ISM1: variants seen among roughly 807,000 people sequenced by gnomAD.
The protein encoded by ISM1 is isthmin 1.
In ISM1, 25 loss-of-function variants were observed where a neutral mutation model predicts 46.3. That is an observed-to-expected ratio of 0.54 (90% confidence interval 0.39 to 0.75). The LOEUF is 0.75. Ranked by LOEUF, ISM1 falls within the 30% of genes least tolerant of loss-of-function variation. The pLI is 0.00. For missense variants in ISM1, 536 were observed against 625.4 expected (o/e 0.86, Z 1.52); for synonymous variants, 255 against 256.7 (o/e 0.99, Z 0.06).
the ISM1 span, among the ~76,000 whole-genome samples, chr20:13,320,448 G>A: frequency 6.6e-6 from 1 of 152,128 alleles, no homozygotes; most frequent in Admixed American, 6.5e-5. Flanking sequence ...CAAGAGAACC[G>A]AACTCTGGTT....
chr20:13,275,520 C>G (rs1362810196), intron 2 of ISM1, among the ~76,000 whole-genome samples: 1 of 152,208 alleles, frequency 6.6e-6, no homozygotes, highest in Non-Finnish European at 1.5e-5. Flanking sequence ...TGTTTGGGAT[C>G]AGGCACCACC....
intron 1 of ISM1, among the ~76,000 whole-genome samples, chr20:13,257,556 A>G (rs1425231503): frequency 2.6e-5 from 4 of 152,008 alleles, no homozygotes; most frequent in Admixed American, 6.6e-5. Flanking sequence ...TTTCATTCCT[A>G]ACTTCTCCCC....
chr20:13,224,473 C>T (rs1055204981), intron 1 of ISM1, among the ~76,000 whole-genome samples: 31 of 152,222 alleles, frequency 2.0e-4, no homozygotes, highest in African/African-American at 7.2e-4. Flanking sequence ...TTTTACCAGA[C>T]ATTTTAAACC....
At chr20:13,294,027 G>C (rs1180211577) in intron 5 of ISM1, among the ~76,000 whole-genome samples, 1 of 152,050 alleles carries the variant, frequency 6.6e-6, no homozygotes, top group African/African-American at 2.4e-5. Context: ...TACAGTGTCG[G>C]GGGCAGTAGA....
In ISM1 at chr20:13,270,658, A is replaced by G. The variant is rs752246764; in HGVS notation, c.293A>G (p.Asp98Gly). The G allele has an allele frequency of 6.2e-7, 1 of 1,613,896 alleles. No individual in the cohort carries two copies. The highest frequency in any genetic ancestry group is 8.5e-7 in the Non-Finnish European group (1 of 1,179,856). Residue 98 changes from aspartate (D) to glycine (G), a missense_variant, in exon 2 of 6, where the codon GAT becomes GGT. Physicochemically the swap from Asp to Gly is moderately conservative, Grantham distance 94. Around this residue, in one of 2 missense-constraint regions of ISM1, gnomAD observed 367 missense variants for 376.1 expected, o/e 0.98. Transcript: ENST00000262487. ...ACGGGGCACCCTTCATTGCAAAGAGATTTCCCCAGATCCTTTCTCCTTGAT... is the reference window on the plus strand; with the variant it reads ...ACGGGGCACCCTTCATTGCAAAGAGGTTTCCCCAGATCCTTTCTCCTTGAT... Reference protein sequence around the residue: ...QETGHPSLQRDFPRSFLLDLP... With the variant: ...QETGHPSLQRGFPRSFLLDLP...
At chr20:13,284,448 T>C (rs1258544747) in intron 3 of ISM1, among the ~76,000 whole-genome samples, 1 of 152,230 alleles carries the variant, frequency 6.6e-6, no homozygotes, top group African/African-American at 2.4e-5. Context: ...GAACTGTTTT[T>C]TCCTGCCGTT....
At chr20:13,231,312 C>T (rs2039585343) in intron 1 of ISM1, among the ~76,000 whole-genome samples, 1 of 152,212 alleles carries the variant, frequency 6.6e-6, no homozygotes, top group African/African-American at 2.4e-5. Flanking sequence ...AACCAGGCTA[C>T]CCCATGCCCT....
At chr20:13,227,497 C>G (rs1209738282) in intron 1 of ISM1, among the ~76,000 whole-genome samples, 4 of 147,272 alleles carry the variant, frequency 2.7e-5, no homozygotes, top group African/African-American at 1.0e-4. Context: ...GCCACCATGC[C>G]CAGCCCAACT....
At chr20:13,298,439 T>C (rs1315507061) in intron 5 of ISM1, among the ~76,000 whole-genome samples, 2 of 152,184 alleles carry the variant, frequency 1.3e-5, no homozygotes, top group Non-Finnish European at 2.9e-5. Flanking sequence ...AGAGGGGAGA[T>C]TCAAATAATT....
At chr20:13,315,731 G>C in the ISM1 span, among the ~76,000 whole-genome samples, 1 of 151,776 alleles carries the variant, frequency 6.6e-6, no homozygotes, top group Non-Finnish European at 1.5e-5. Context: ...TATTCACCAG[G>C]ACAGACCACA....
At position 13,221,874 on chromosome 20, in the gene ISM1, C is replaced by G; in HGVS notation, c.98C>G (p.Pro33Arg). The change falls in exon 1 of 6, where the codon CCC becomes CGC. Residue 33 changes from proline to arginine, a missense_variant. By Grantham distance (103) the Pro-to-Arg change is moderately radical (BLOSUM62 -2). This residue lies in a region of ISM1 where 367 missense variants were observed against 376.1 expected (regional missense o/e 0.98). Transcript: ENST00000262487. ...CGCGGCTCGGGAGCCGCCGACGGGC[C>G]CGACGCGGCCGCGGGCAACGCCAGC... Reference protein sequence around the residue: ...VLRGSGAADGPDAAAGNASQA... With the variant: ...VLRGSGAADGRDAAAGNASQA... The G allele has an allele frequency of 7.1e-7, 1 of 1,413,888 alleles. No individual in the cohort carries two copies. The highest frequency in any genetic ancestry group is 9.2e-7 in the Non-Finnish European group (1 of 1,089,768). 87.6% of individuals were successfully genotyped at this position (1,413,888 alleles called of 1,614,324 possible). A position where few individuals can be genotyped will look rare whatever the true frequency, so the allele number is the denominator to read the frequency against.
chr20:13,289,236 A>G (rs972297543), intron 4 of ISM1, among the ~76,000 whole-genome samples: 2 of 152,170 alleles, frequency 1.3e-5, no homozygotes, highest in African/African-American at 4.8e-5. Flanking sequence ...CTCTGGTTAG[A>G]TTGGGTTTTT....
intron 1 of ISM1, among the ~76,000 whole-genome samples, chr20:13,236,809 T>G (rs1454070522): frequency 6.6e-6 from 1 of 152,164 alleles, no homozygotes; most frequent in Admixed American, 6.5e-5. Context: ...TGACTCCAGG[T>G]CTCACATCAA....
intron 1 of ISM1, among the ~76,000 whole-genome samples, chr20:13,223,657 G>C (rs570621201): frequency 6.6e-6 from 1 of 152,266 alleles, no homozygotes; most frequent in African/African-American, 2.4e-5. Context: ...TAACTTTGTG[G>C]GTTCTCTCAC....
chr20:13,231,040 G>A (rs77320868), intron 1 of ISM1, among the ~76,000 whole-genome samples: 4 of 151,998 alleles, frequency 2.6e-5, no homozygotes, highest in South Asian at 2.1e-4. Context: ...CTCCCTCTTC[G>A]CCTACCAGAG....
intron 1 of ISM1, among the ~76,000 whole-genome samples, chr20:13,261,410 A>G (rs1568675296): frequency 6.6e-6 from 1 of 150,904 alleles, no homozygotes. Context: ...AAGAGGGAAG[A>G]GTGAAACTCT....
intron 1 of ISM1, among the ~76,000 whole-genome samples, chr20:13,262,448 G>A (rs1394561795): frequency 5.3e-5 from 8 of 152,006 alleles, no homozygotes; most frequent in Non-Finnish European, 8.8e-5. Context: ...ATGTGTGAAG[G>A]GTTTGTTTTT....
At chr20:13,305,194 G>A (rs2040490211), downstream of ISM1, among the ~76,000 whole-genome samples, 1 of 78,240 alleles carries the variant, frequency 1.3e-5, no homozygotes, top group African/African-American at 4.6e-5. Flanking sequence ...ATACCGTTGA[G>A]TTGTTAAAAA....
intron 1 of ISM1, among the ~76,000 whole-genome samples, chr20:13,266,801 T>C (rs956338262): frequency 6.6e-6 from 1 of 152,156 alleles, no homozygotes; most frequent in African/African-American, 2.4e-5. Context: ...ATTTTACTTT[T>C]AACCTTGAGA....
Sources: allele counts gnomAD v4.1 joint callset (sites outside exome capture counted in the v4.1 genomes callset), GRCh38; gene constraint gnomAD v4.1.1; regional missense constraint gnomAD v4.1.1; transcripts MANE v1.5; gene names NCBI Gene and HGNC (gene_info 2026-07-23, HGNC 2026-07-21).